SLC16A10: variants seen among roughly 807,000 people sequenced by gnomAD.
SLC16A10 encodes solute carrier family 16 member 10, also known as monocarboxylate transporter 10.
SLC16A10 carries 27 observed loss-of-function variants against 40.0 expected under a neutral mutation model. The ratio of observed to expected loss-of-function variants is 0.67; its 90% confidence interval spans 0.50 to 0.93. The LOEUF (loss-of-function observed/expected upper bound fraction) is 0.93. Among genes scored for constraint, SLC16A10 ranks in the 40% least tolerant of loss-of-function variants. The pLI, the probability that SLC16A10 is intolerant of heterozygous loss-of-function variation, is 0.00. For synonymous variants in SLC16A10, 213 were observed against 249.8 expected, an observed-to-expected ratio of 0.85 and a Z score of 1.39; for missense variants, 529 against 658.2, an observed-to-expected ratio of 0.80 and a Z score of 2.15.
intron 3 of SLC16A10, among the ~76,000 whole-genome samples, chr6:111,191,427 C>T (rs1310618088): frequency 6.6e-6 from 1 of 152,174 alleles, no homozygotes; most frequent in African/African-American, 2.4e-5. Context: ...CACTGATGGG[C>T]ATTTGGGTTG....
At chr6:111,188,290 C>T (rs934772601) in intron 3 of SLC16A10, among the ~76,000 whole-genome samples, 22 of 151,520 alleles carry the variant, frequency 1.5e-4, no homozygotes, top group African/African-American at 5.1e-4. Context: ...TCCCTTCCTT[C>T]TTTCTTCCCT....
In SLC16A10 at chr6:111,111,157, T is replaced by G. The variant is rs1771378079; in HGVS notation, c.343+23062T>G. On this transcript the variant is annotated intron_variant, in intron 1 of 5. Transcript: ENST00000368851. ...TGATTTCTACTTAATTTTGGTAAAT[T>G]TACCAAAAGGGCAAATTTTATGCTA... Among the ~76,000 whole-genome samples the G allele has an allele frequency of 2.6e-5, 4 of 152,152 alleles. No individual in the cohort carries two copies. The South Asian group carries it at 8.3e-4, about 32-fold the overall frequency.
intron 1 of SLC16A10, among the ~76,000 whole-genome samples, chr6:111,165,966 T>A (rs1373970221): frequency 1.3e-5 from 2 of 152,178 alleles, no homozygotes; most frequent in Admixed American, 1.3e-4. Context: ...TTCAGTTTTT[T>A]TTCCTTCAGA....
At chr6:111,174,662 C>T (rs1314721724) in intron 2 of SLC16A10, among the ~76,000 whole-genome samples, 1 of 151,826 alleles carries the variant, frequency 6.6e-6, no homozygotes, top group Non-Finnish European at 1.5e-5. Context: ...TTATTAATAC[C>T]TCATCAGATA....
At chr6:111,100,642 C>G (rs1771158559) in intron 1 of SLC16A10, among the ~76,000 whole-genome samples, 1 of 151,982 alleles carries the variant, frequency 6.6e-6, no homozygotes, top group Non-Finnish European at 1.5e-5. Flanking sequence ...CTCGGCCTAC[C>G]AAAGTGCTGT....
At chr6:111,211,630 C>T (rs1229983527) in intron 4 of SLC16A10, among the ~76,000 whole-genome samples, 2 of 152,184 alleles carry the variant, frequency 1.3e-5, no homozygotes, top group Non-Finnish European at 2.9e-5. Context: ...CCTGTGGTTG[C>T]GAGGAGCCAC....
At chr6:111,190,120 C>T (rs1029035334) in intron 3 of SLC16A10, among the ~76,000 whole-genome samples, 13 of 152,166 alleles carry the variant, frequency 8.5e-5, no homozygotes, top group African/African-American at 2.9e-4. Flanking sequence ...TAAATACACC[C>T]ATTCCAAATG....
At chr6:111,093,343 A>C (rs1431998374) in intron 1 of SLC16A10, among the ~76,000 whole-genome samples, 2 of 152,226 alleles carry the variant, frequency 1.3e-5, no homozygotes, top group African/African-American at 4.8e-5. Context: ...ATGGAGACAG[A>C]TTTCTTTTTA....
At position 111,213,747 on chromosome 6, in the gene SLC16A10, G is replaced by A. The variant is rs1773380264; in HGVS notation, c.1087-5067G>A. On this transcript the variant is annotated intron_variant, in intron 4 of 5. Transcript: ENST00000368851. ...CATGGAGAAGGTTGACAGACTCCCT[G>A]TGAAGCACTTCGAAGTGACACTGGC... Among the ~76,000 whole-genome samples the A allele has an allele frequency of 2.6e-5, 4 of 152,322 alleles. No homozygotes were observed. The South Asian group carries it at 6.2e-4, about 24-fold the overall frequency.
chr6:111,188,908 A>C (rs755948813), intron 3 of SLC16A10, among the ~76,000 whole-genome samples: 1 of 152,198 alleles, frequency 6.6e-6, no homozygotes, highest in Non-Finnish European at 1.5e-5. Context: ...AGGCTCAGAG[A>C]GGTTTAAAAG....
intron 1 of SLC16A10, among the ~76,000 whole-genome samples, chr6:111,168,258 G>A (rs1223962819): frequency 6.6e-6 from 1 of 152,194 alleles, no homozygotes; most frequent in African/African-American, 2.4e-5. Flanking sequence ...GGGATTACAG[G>A]TGTGAGCCAA....
At chr6:111,088,314 G>GTT (rs1422847312) in intron 1 of SLC16A10, among the ~76,000 whole-genome samples, 1 of 152,226 alleles carries the variant, frequency 6.6e-6, no homozygotes, top group Non-Finnish European at 1.5e-5. Context: ...AGAGCTGTGT[G>GTT]TTTGCAAGCA....
At position 111,089,759 on chromosome 6, in the gene SLC16A10, A is replaced by C. The variant is rs566854271; in HGVS notation, c.343+1664A>C. Among the ~76,000 whole-genome samples the C allele has an allele frequency of 3.2e-4, 49 of 152,272 alleles. 1 individual carries two copies. Among genetic ancestry groups the C allele is most frequent in the Admixed American group, 2.5e-3 (38 of 15,286 alleles). ...AGCCCCAAAAGAAGGCAGAATTGACAGAGTTAACATTTAAAGACTAGTTCC... is the reference window on the plus strand; with the variant it reads ...AGCCCCAAAAGAAGGCAGAATTGACCGAGTTAACATTTAAAGACTAGTTCC... On this transcript the variant is annotated intron_variant, in intron 1 of 5. Coordinates refer to ENST00000368851, the MANE Select transcript of SLC16A10 (RefSeq NM_018593.5).
chr6:111,193,857 C>T (rs953818429), intron 3 of SLC16A10, among the ~76,000 whole-genome samples: 1 of 151,896 alleles, frequency 6.6e-6, no homozygotes, highest in African/African-American at 2.4e-5. Flanking sequence ...TTTGTTAGGC[C>T]CTTATATTGG....
chr6:111,121,220 A>G (rs1178985473), intron 1 of SLC16A10, among the ~76,000 whole-genome samples: 1 of 152,208 alleles, frequency 6.6e-6, no homozygotes, highest in East Asian at 1.9e-4. Flanking sequence ...GCACTCTGGT[A>G]ACCCTGTAGG....
chr6:111,189,132 T>G (rs1487957910), intron 3 of SLC16A10, among the ~76,000 whole-genome samples: 1 of 152,172 alleles, frequency 6.6e-6, no homozygotes, highest in Non-Finnish European at 1.5e-5. Flanking sequence ...CATACACAGC[T>G]CAATAAACAA....
chr6:111,218,801 G>GTGTCCGTCC lies in SLC16A10; in HGVS notation c.1087-11_1087-3dup. 6.2e-7 allele frequency: 1 copy of GTGTCCGTCC among 1,610,920 alleles called. No individual in the cohort carries two copies. Among genetic ancestry groups the GTGTCCGTCC allele is most frequent in the Non-Finnish European group, 8.5e-7 (1 of 1,177,252 alleles). On this transcript the variant is annotated splice_polypyrimidine_tract_variant and intron_variant, in intron 4 of 5. Coordinates refer to ENST00000368851, the MANE Select transcript of SLC16A10 (RefSeq NM_018593.5). ...TCCTGCGAGCGGAGCTGACCTTGTG[G>GTGTCCGTCC]TGTCCGTCCTAGGTACTCTCCTTTT...
chr6:111,193,427 G>C, intron 3 of SLC16A10: 1 of 559,874 alleles, frequency 1.8e-6, no homozygotes, highest in African/African-American at 2.0e-5. Flanking sequence ...CTGACCACTT[G>C]TTTACTCATT....
intron 1 of SLC16A10, among the ~76,000 whole-genome samples, chr6:111,106,841 T>C (rs1390514494): frequency 6.6e-6 from 1 of 152,214 alleles, no homozygotes; most frequent in East Asian, 1.9e-4. Context: ...TGTCTTGTGG[T>C]AGATTTTCAG....
Sources: allele counts gnomAD v4.1 joint callset (sites outside exome capture counted in the v4.1 genomes callset), GRCh38; gene constraint gnomAD v4.1.1; transcripts MANE v1.5; gene names NCBI Gene and HGNC (gene_info 2026-07-23, HGNC 2026-07-21).